The following ABCA13 variants were observed in gnomAD, a reference collection of about 807,000 sequenced individuals.
ABCA13 encodes the protein ATP-binding cassette sub-family A member 13.
A neutral mutation model predicts 478.7 loss-of-function variants in ABCA13; 476 were observed. The observed-to-expected ratio is 0.99, with a 90% CI of 0.92 to 1.07. The LOEUF (loss-of-function observed/expected upper bound fraction) is 1.07, where lower values mean the gene tolerates loss of function less well. Ranked by LOEUF, ABCA13 falls within the 50% of genes least tolerant of loss-of-function variation. ABCA13 has a pLI of 0.00. For missense variants in ABCA13, 6,060 were observed against 5,910.6 expected (o/e 1.03, Z -0.83); for synonymous variants, 2,252 against 2,158.9 (o/e 1.04, Z -1.20).
intron 15 of ABCA13, among the ~76,000 whole-genome samples, chr7:48,254,359 G>A (rs75920228): frequency 0.031 from 4,726 of 152,012 alleles, 184 homozygotes; most frequent in Admixed American, 0.1. Context: ...GAATTATGAG[G>A]CTCAAGTGAT....
intron 41 of ABCA13, among the ~76,000 whole-genome samples, chr7:48,425,915 G>A (rs1182391168): frequency 6.6e-6 from 1 of 151,748 alleles, no homozygotes; most frequent in Non-Finnish European, 1.5e-5. Context: ...CTAATTTTTT[G>A]TATTTTTAGT....
rs1796166302 is a variant in ABCA13, at chr7:48,275,401, C to G, written c.5735C>G (p.Ser1912Cys). ...ELSEVFHVNI[S>C]LVKTVQKFWH... ...TCTGAAGTCTTCCATGTTAACATTT[C>G]TCTTGTGAAAACTGTGCAGAAATTT... Residue 1912 changes from serine to cysteine, a missense_variant, in exon 17 of 62, where the codon TCT (serine) becomes TGT (cysteine). Transcript: ENST00000435803. 6.2e-7 allele frequency: 1 copy of G among 1,613,954 alleles called. No individual in the cohort carries two copies. Among genetic ancestry groups the G allele is most frequent in the Non-Finnish European group, 8.5e-7 (1 of 1,179,878 alleles).
chr7:48,197,752 A>AT (rs1281984239), intron 2 of ABCA13, among the ~76,000 whole-genome samples: 6 of 152,226 alleles, frequency 3.9e-5, no homozygotes, highest in South Asian at 2.1e-4. Context: ...AGTGTAGACA[A>AT]TTTTTTTGTA....
intron 31 of ABCA13, among the ~76,000 whole-genome samples, chr7:48,362,885 T>C (rs1026557396): frequency 1.3e-5 from 2 of 152,152 alleles, no homozygotes; most frequent in Non-Finnish European, 2.9e-5. Flanking sequence ...TTGCCAATAT[T>C]TTAAAAAATA....
intron 1 of ABCA13, among the ~76,000 whole-genome samples, chr7:48,174,276 G>A (rs971192678): frequency 1.3e-5 from 2 of 152,004 alleles, no homozygotes; most frequent in African/African-American, 2.4e-5. Context: ...AAGCTTGTCT[G>A]TTTTTACATT....
chr7:48,594,136 A>T (rs989390513), intron 57 of ABCA13, among the ~76,000 whole-genome samples: 1 of 152,132 alleles, frequency 6.6e-6, no homozygotes, highest in Non-Finnish European at 1.5e-5. Context: ...TATTTATTTA[A>T]TAAGCATTCT....
intron 31 of ABCA13, among the ~76,000 whole-genome samples, chr7:48,359,800 A>G (rs907255272): frequency 2.6e-5 from 4 of 152,054 alleles, no homozygotes; most frequent in Admixed American, 1.3e-4. Flanking sequence ...GGTTCTTTCT[A>G]TAGTAAGACT....
intron 2 of ABCA13, among the ~76,000 whole-genome samples, chr7:48,195,184 T>A (rs1388290502): frequency 6.6e-6 from 1 of 152,088 alleles, no homozygotes; most frequent in East Asian, 1.9e-4. Flanking sequence ...GTGGCTGAAG[T>A]AGTAAGCAGG....
At chr7:48,178,214 T>C (rs183627985) in intron 1 of ABCA13, among the ~76,000 whole-genome samples, 10 of 152,280 alleles carry the variant, frequency 6.6e-5, no homozygotes, top group Admixed American at 2.6e-4. Flanking sequence ...AGTGATTAAA[T>C]AGACAACCAA....
At chr7:48,533,886 C>T (rs1314399727) in intron 55 of ABCA13, among the ~76,000 whole-genome samples, 2 of 151,876 alleles carry the variant, frequency 1.3e-5, no homozygotes, top group African/African-American at 4.8e-5. Flanking sequence ...TTATGTGTAT[C>T]CTTATGTGTT....
intron 29 of ABCA13, among the ~76,000 whole-genome samples, chr7:48,341,916 C>CAT (rs1247504863): frequency 4.9e-5 from 2 of 41,146 alleles, no homozygotes; most frequent in African/African-American, 8.8e-5. Flanking sequence ...TATATATACT[C>CAT]ATATATATAT....
intron 1 of ABCA13, among the ~76,000 whole-genome samples, chr7:48,177,908 G>A (rs2128861457): frequency 6.6e-6 from 1 of 152,366 alleles, no homozygotes; most frequent in East Asian, 1.9e-4. Flanking sequence ...AACCCTGGGA[G>A]GAAACTGCCT....
At position 48,378,661 on chromosome 7, in the gene ABCA13, A is replaced by G. The variant is rs544460870; in HGVS notation, c.11335+2089A>G. The stretch of plus-strand genomic sequence containing the variant: ...ATCCTGCAGTCTCACAATATGGCTC[A>G]TGATTAACATCTACCCAATATGTTA... On this transcript the variant is annotated intron_variant, in intron 35 of 61. Transcript: ENST00000435803. 2.6e-5 allele frequency among the ~76,000 whole-genome samples: 4 copies of G among 152,334 alleles called. No individual in the cohort carries two copies. The East Asian group carries it at 7.7e-4, about 29-fold the overall frequency.
At chr7:48,502,535 C>T (rs1830849167) in intron 48 of ABCA13, among the ~76,000 whole-genome samples, 1 of 152,144 alleles carries the variant, frequency 6.6e-6, no homozygotes, top group South Asian at 2.1e-4. Flanking sequence ...AGAACAGAGG[C>T]CTTCAACTTC....
rs1796313225 is a variant in ABCA13 at position 48,276,406 on chromosome 7, C to T, written c.6740C>T (p.Ser2247Leu). 3 of 1,559,324 alleles carry T rather than the reference C, an allele frequency of 1.9e-6. No individual in the cohort carries two copies. Among genetic ancestry groups the T allele is most frequent in the Non-Finnish European group, 2.6e-6 (3 of 1,154,344 alleles). ...FINLILNHMQ[S>L]ETSRKTVLSL... Reference sequence around the variant, plus strand: ...AACCTTATCTTGAACCATATGCAGTCAGAAACTAGTAGGAAAACAGTTCTC... The same window carrying T: ...AACCTTATCTTGAACCATATGCAGTTAGAAACTAGTAGGAAAACAGTTCTC... The change falls in exon 17 of 62, where the codon TCA becomes TTA. Residue 2247 changes from serine to leucine, a missense_variant. Ser to Leu is a moderately radical substitution (Grantham distance 145). Coordinates refer to ENST00000435803, the MANE Select transcript of ABCA13 (RefSeq NM_152701.5).
chr7:48,274,908 T>G lies in ABCA13; in HGVS notation c.5242T>G (p.Tyr1748Asp). The G allele has an allele frequency of 6.2e-7, 1 of 1,613,992 alleles. No homozygotes were observed. The highest frequency in any genetic ancestry group is 8.5e-7 in the Non-Finnish European group (1 of 1,179,862). ...DVVDAVIDVY[Y>D]VLPHAVRLLQ... is the part of the protein sequence containing the mutation. ...TGTGGATGCTGTGATAGATGTGTAC[T>G]ATGTGCTTCCTCATGCTGTAAGGCT... is the stretch of plus-strand genomic sequence containing the variant. Residue 1748 changes from tyrosine to aspartate, a missense_variant, in exon 17 of 62, where the codon TAT becomes GAT. Around this residue, in one of 3 missense-constraint regions of ABCA13, gnomAD observed 4,423 missense variants for 4,309.1 expected, o/e 1.03. Transcript: ENST00000435803.
At chr7:48,620,926 C>A (rs1287291697) in intron 59 of ABCA13, among the ~76,000 whole-genome samples, 1 of 152,134 alleles carries the variant, frequency 6.6e-6, no homozygotes, top group Non-Finnish European at 1.5e-5. Context: ...GCCCTCTTCT[C>A]CTTTCAGTCT....
Position 48,376,459 on chromosome 7 carries a change from T to G in ABCA13, c.11222T>G (p.Met3741Arg), listed in dbSNP as rs749995477. 1 of 1,613,652 alleles carries G rather than the reference T, an allele frequency of 6.2e-7. No individual in the cohort carries two copies. Among genetic ancestry groups the G allele is most frequent in the African/African-American group, 1.3e-5 (1 of 74,918 alleles). ...CTGCTAGGGATTCAATGGAATAATA[T>G]GTACCAGGCTCTGGAACAAGGGGGC... ...GQETGIQWNN[M>R]YQALEQGGMT... The change falls in exon 35 of 62, where the codon ATG (methionine) becomes AGG (arginine). Residue 3741 changes from methionine to arginine, a missense_variant. Physicochemically the swap from Met to Arg is moderately conservative, Grantham distance 91. Around this residue, in one of 3 missense-constraint regions of ABCA13, gnomAD observed 4,423 missense variants for 4,309.1 expected, o/e 1.03. Coordinates refer to ENST00000435803, the MANE Select transcript of ABCA13 (RefSeq NM_152701.5).
chr7:48,226,617 T>C (rs1402397542), intron 5 of ABCA13, among the ~76,000 whole-genome samples: 1 of 151,956 alleles, frequency 6.6e-6, no homozygotes, highest in African/African-American at 2.4e-5. Flanking sequence ...GATCACAGAG[T>C]GTGGGGTAGT....
Sources: gnomAD v4.1 joint callset for allele counts (sites outside exome capture counted in the v4.1 genomes callset) on GRCh38, gnomAD v4.1.1 for gene constraint, gnomAD v4.1.1 regional missense constraint, MANE v1.5 for transcripts, NCBI Gene and HGNC (gene_info 2026-07-23, HGNC 2026-07-21) for gene names.